Variants in TCEA1 observed in about 807,000 individuals in gnomAD.
TCEA1 encodes transcription elongation factor A1.
TCEA1 carries 21 observed loss-of-function variants against 43.8 expected under a neutral mutation model. The observed-to-expected ratio is 0.48, with a 90% confidence interval of 0.34 to 0.69. The LOEUF is 0.69. TCEA1 is among the 30% of genes least tolerant of loss of function. The probability of loss-of-function intolerance (pLI) is 0.01; values close to 1 mark genes in which losing one functional copy is unlikely to be tolerated. For synonymous variants in TCEA1, 104 were observed against 117.5 expected (o/e 0.88, Z 0.75); for missense variants, 250 against 365.1 (o/e 0.68, Z 2.57).
intron 1 of TCEA1, 112 bp from the exon 2 acceptor site, chr8:54,010,604 G>T (rs1804621661): frequency 1.0e-5 from 8 of 776,066 alleles, no homozygotes. Flanking sequence ...AATAAAATCA[G>T]ATAAGGAGCA....
intron 5 of TCEA1, among the ~76,000 whole-genome samples, chr8:53,987,396 T>C (rs1382140754): frequency 6.6e-6 from 1 of 152,220 alleles, no homozygotes; most frequent in African/African-American, 2.4e-5. Flanking sequence ...AATCATTTAG[T>C]TAATCTGCCA....
chr8:54,012,818 T>G (rs977841757), intron 1 of TCEA1, among the ~76,000 whole-genome samples: 1 of 152,010 alleles, frequency 6.6e-6, no homozygotes, highest in Admixed American at 6.6e-5. Context: ...CCTGTAGTCC[T>G]AGCTACTCCA....
intron 3 of TCEA1, among the ~76,000 whole-genome samples, chr8:53,994,736 T>A (rs1803995178): frequency 6.6e-6 from 1 of 151,862 alleles, no homozygotes; most frequent in Admixed American, 6.6e-5. Flanking sequence ...CCGGGCGTGG[T>A]GATACGCGCC....
intron 1 of TCEA1, among the ~76,000 whole-genome samples, chr8:54,019,032 T>C (rs1426504165): frequency 1.3e-5 from 2 of 152,196 alleles, no homozygotes; most frequent in Non-Finnish European, 2.9e-5. Context: ...ATGAGGATAA[T>C]ACTCATCTTG....
chr8:54,014,613 T>C (rs1170279537), intron 1 of TCEA1, among the ~76,000 whole-genome samples: 2 of 152,206 alleles, frequency 1.3e-5, no homozygotes, highest in Non-Finnish European at 2.9e-5. Context: ...TTTTATTACA[T>C]TGTTGGTGCT....
chr8:53,985,004 T>C (rs1421528746), intron 6 of TCEA1, among the ~76,000 whole-genome samples: 1 of 152,198 alleles, frequency 6.6e-6, no homozygotes, highest in African/African-American at 2.4e-5. Context: ...AATAGTGATA[T>C]TACTTTTACA....
chr8:53,988,388 G>A, intron 4 of TCEA1, 129 bp from the exon 5 acceptor site: 1 of 1,114,900 alleles, frequency 9.0e-7, no homozygotes, highest in Non-Finnish European at 1.2e-6. Context: ...TGACCTTTAT[G>A]TGATGGAAAA....
In TCEA1 at chr8:53,998,995, A is replaced by T. The variant is rs182878736; in HGVS notation, c.232+950T>A. On this transcript the variant is annotated intron_variant, in intron 3 of 9. Coordinates refer to ENST00000521604, the MANE Select transcript of TCEA1 (RefSeq NM_006756.4). ...TGTAATCCCAGCACTTTGGGAGGCC[A>T]AGGCGGGCAGATCACAAGGTCAGGT... is the stretch of plus-strand genomic sequence containing the variant. Among the ~76,000 whole-genome samples, 16 of 152,124 alleles carry T rather than the reference A, an allele frequency of 1.1e-4. No homozygotes were observed. The South Asian group carries it at 3.3e-3, about 32-fold the overall frequency.
At chr8:54,001,990 C>T (rs926134510) in intron 2 of TCEA1, among the ~76,000 whole-genome samples, 2 of 142,312 alleles carry the variant, frequency 1.4e-5, no homozygotes, top group South Asian at 4.5e-4. Context: ...AAAAAAAAAA[C>T]AAAAAACAAA....
intron 1 of TCEA1, among the ~76,000 whole-genome samples, chr8:54,020,376 G>A (rs1410930443): frequency 6.6e-6 from 1 of 152,074 alleles, no homozygotes; most frequent in African/African-American, 2.4e-5. Context: ...AAATGGCACT[G>A]GTAATATCTA....
intron 2 of TCEA1, among the ~76,000 whole-genome samples, chr8:54,001,628 C>CA (rs1446103751): frequency 6.6e-6 from 1 of 151,938 alleles, no homozygotes; most frequent in African/African-American, 2.4e-5. Flanking sequence ...CACAAACGTG[C>CA]AAAAAAATAA....
intron 8 of TCEA1, chr8:53,973,703 A>C: frequency 1.8e-6 from 1 of 564,252 alleles, no homozygotes. Flanking sequence ...AGAAATTATT[A>C]GAGGATGACT....
At chr8:54,010,629 A>G (rs1804622397) in intron 1 of TCEA1, 137 bp from the exon 2 acceptor site, 3 of 601,128 alleles carry the variant, frequency 5.0e-6, no homozygotes, top group Non-Finnish European at 8.7e-6. Flanking sequence ...CACCACCTAT[A>G]GCTTACAGCC....
At chr8:53,993,127 ATTTT>A (rs11306062) in intron 4 of TCEA1, among the ~76,000 whole-genome samples, 11 of 84,182 alleles carry the variant, frequency 1.3e-4, no homozygotes, top group Admixed American at 4.4e-4. Flanking sequence ...TACATGGCTA[ATTTT>A]TTTTTTTTTT....
At chr8:53,996,086 T>C (rs550336001) in intron 3 of TCEA1, among the ~76,000 whole-genome samples, 1 of 152,306 alleles carries the variant, frequency 6.6e-6, no homozygotes, top group Non-Finnish European at 1.5e-5. Flanking sequence ...AAGGGAAAAC[T>C]GATATAACAA....
intron 2 of TCEA1, among the ~76,000 whole-genome samples, chr8:54,003,948 A>G (rs1804359070): frequency 6.6e-6 from 1 of 152,176 alleles, no homozygotes; most frequent in East Asian, 1.9e-4. Context: ...TAAAAAAAAA[A>G]AGACAATCCA....
At chr8:53,972,143 T>C (rs1374738999) in intron 8 of TCEA1, 1 of 295,814 alleles carries the variant, frequency 3.4e-6, no homozygotes, top group Non-Finnish European at 6.6e-6. Flanking sequence ...GTGGCAGTGA[T>C]GGTTATGAAA....
intron 8 of TCEA1, chr8:53,973,878 A>G (rs1038659406): frequency 3.6e-5 from 12 of 330,988 alleles, no homozygotes; most frequent in African/African-American, 2.7e-4. Flanking sequence ...TACTCAGGCA[A>G]TAAAGAAAAA....
chr8:53,988,628 CT>C (rs1803769681), intron 4 of TCEA1, among the ~76,000 whole-genome samples: 1 of 152,056 alleles, frequency 6.6e-6, no homozygotes, highest in Non-Finnish European at 1.5e-5. Flanking sequence ...TGACAGCTTT[CT>C]TTTTTGAGAC....
Sources: allele counts gnomAD v4.1 joint callset (sites outside exome capture counted in the v4.1 genomes callset), GRCh38; gene constraint gnomAD v4.1.1; transcripts MANE v1.5; gene names NCBI Gene and HGNC (gene_info 2026-07-23, HGNC 2026-07-21).